The following NR4A1 variants were observed in gnomAD, a reference collection of about 807,000 sequenced individuals.
NR4A1 encodes the protein nuclear receptor subfamily 4immunitygroup A member 1.
In NR4A1, 24 loss-of-function variants were observed where a neutral mutation model predicts 47.5. The observed-to-expected ratio is 0.50, with a 90% confidence interval of 0.37 to 0.71. NR4A1 has a LOEUF of 0.71. Among genes scored for constraint, NR4A1 ranks in the 30% least tolerant of loss-of-function variants. The pLI is 0.00. For synonymous variants in NR4A1, 353 were observed against 345.7 expected (o/e 1.02, Z -0.24); for missense variants, 669 against 788.6 (o/e 0.85, Z 1.82).
intron 1 of NR4A1, among the ~76,000 whole-genome samples, chr12:52,036,451 T>G (rs1022465311): frequency 1.3e-5 from 2 of 152,184 alleles, no homozygotes; most frequent in African/African-American, 4.8e-5. Flanking sequence ...CCACAGCTGT[T>G]ATCATCCTGA....
intron 1 of NR4A1, among the ~76,000 whole-genome samples, chr12:52,028,693 C>T (rs572229715): frequency 3.6e-4 from 55 of 152,132 alleles, no homozygotes; most frequent in African/African-American, 1.3e-3. Context: ...ATTACGAGGT[C>T]AGGAGTTCAA....
rs751505484 is a variant in NR4A1 at position 52,058,862 on chromosome 12, G to A, written c.1715G>A (p.Arg572His). Residue 572 changes from arginine to histidine, a missense_variant, in exon 7 of 7, where the codon CGC becomes CAC. By Grantham distance (29) the Arg-to-His change is conservative (BLOSUM62 0). Coordinates refer to ENST00000394825, the MANE Select transcript of NR4A1 (RefSeq NM_173157.3). ...ACCCTGTGCACCCAGGGCCTGCAGC[G>A]CATCTTCTACCTCAAGCTGGAGGAC... is the stretch of plus-strand genomic sequence containing the variant. ...LRTLCTQGLQRIFYLKLEDLV... is the reference protein window; with the variant it reads ...LRTLCTQGLQHIFYLKLEDLV... 3.7e-6 allele frequency: 6 copies of A among 1,614,032 alleles called. No homozygotes were observed. The highest frequency in any genetic ancestry group is 2.2e-5 in the East Asian group (1 of 44,882).
Position 52,044,040 on chromosome 12 carries a change from G to A in NR4A1, c.37+2111G>A, listed in dbSNP as rs1669760634. On this transcript the variant is annotated intron_variant, in intron 2 of 7. Coordinates refer to the NR4A1 transcript ENST00000360284. ...GAAGCAAGGGTGGCCGACAACTGGA[G>A]GCATGAGTGTGCAGCTTGACCACAG... 4.5e-6 allele frequency: 3 copies of A among 665,664 alleles called. No individual in the cohort carries two copies. The South Asian group carries it at 5.0e-5, about 11-fold the overall frequency. 41.2% of individuals were successfully genotyped at this position (665,664 alleles called of 1,614,324 possible). A position where few individuals can be genotyped will look rare whatever the true frequency, so the allele number is the denominator to read the frequency against.
At chr12:52,038,829 T>TTC in intron 1 of NR4A1, 1 of 730,692 alleles carries the variant, frequency 1.4e-6, no homozygotes, top group South Asian at 1.4e-5. Flanking sequence ...CTGCTGGACT[T>TTC]AAGAAAGTCA....
In NR4A1 at chr12:52,054,943, C is replaced by G; in HGVS notation, c.615C>G (p.Ser205Arg). ...GCCCCAGCCCCAGCCTGGCCCAGAG[C>G]CCCCTGAAGTTGTTCCCCTCACAGG... Reference protein sequence around the residue: ...PTGPSPSLAQSPLKLFPSQAT... With the variant: ...PTGPSPSLAQRPLKLFPSQAT... The change falls in exon 2 of 7, where the codon AGC becomes AGG. Residue 205 changes from serine to arginine, a missense_variant. Coordinates refer to ENST00000394825, the MANE Select transcript of NR4A1 (RefSeq NM_173157.3). 6.2e-7 allele frequency: 1 copy of G among 1,614,170 alleles called. No individual in the cohort carries two copies. Among genetic ancestry groups the G allele is most frequent in the Non-Finnish European group, 8.5e-7 (1 of 1,180,030 alleles).
rs761680805 is a variant in NR4A1 at position 52,058,961 on chromosome 12, C to T, written c.*17C>T. On this transcript the variant is annotated 3_prime_UTR_variant, in exon 7 of 7. Coordinates refer to ENST00000394825, the MANE Select transcript of NR4A1 (RefSeq NM_173157.3). ...CCCTTCTGACCCCTGCCTGGGAACA[C>T]GTGTGCACATGCGCACTCTCATATG... 1.4e-5 allele frequency: 23 copies of T among 1,602,350 alleles called. 1 individual carries two copies. Among genetic ancestry groups the T allele is most frequent in the Admixed American group, 1.2e-4 (7 of 59,686 alleles).
At position 52,059,169 on chromosome 12, in the gene NR4A1, G is replaced by A. The variant is rs967301564; in HGVS notation, c.*225G>A. 54 of 583,084 alleles carry A rather than the reference G, an allele frequency of 9.3e-5. No homozygotes were observed. The highest frequency in any genetic ancestry group is 2.1e-4 in the Admixed American group (6 of 28,814). The allele number at this position is 583,084 out of a possible 1,614,324, so 36.1% of individuals were successfully genotyped here. ...GTCTTATCCCCCCCAGCCTGGCCCC[G>A]GCCTTTATGTTTTTTGTAAGATAAA... On this transcript the variant is annotated 3_prime_UTR_variant, in exon 7 of 7. Transcript: ENST00000394825.
chr12:52,054,960 C>T lies in NR4A1; in HGVS notation c.632C>T (p.Pro211Leu), dbSNP rs1466882780. The part of the protein sequence containing the change: ...SLAQSPLKLF[P>L]SQATHQLGEG... ...GCCCAGAGCCCCCTGAAGTTGTTCC[C>T]CTCACAGGCCACCCACCAGCTGGGG... The change falls in exon 2 of 7, where the codon CCC becomes CTC. Residue 211 changes from proline (P) to leucine (L), a missense_variant. Pro to Leu is a moderately conservative substitution (Grantham distance 98). Transcript: ENST00000394825. The T allele has an allele frequency of 3.1e-6, 5 of 1,614,214 alleles. No homozygotes were observed. In the Admixed American group the frequency reaches 6.7e-5, roughly 22 times the overall value.
At chr12:52,058,592 G>A (rs1015813749) in intron 6 of NR4A1, 96 bp from the exon 7 acceptor site, 14 of 1,417,392 alleles carry the variant, frequency 9.9e-6, no homozygotes, top group East Asian at 7.6e-5. Flanking sequence ...GAGCATGAGG[G>A]GTGGTCAGGG....
At chr12:52,046,712 G>A (rs1462216007), upstream of NR4A1, among the ~76,000 whole-genome samples, 1 of 152,148 alleles carries the variant, frequency 6.6e-6, no homozygotes, top group African/African-American at 2.4e-5. Context: ...GGCCGGGCAC[G>A]GTGACTCACG....
chr12:52,040,793 C>T (rs969418418), intron 1 of NR4A1, among the ~76,000 whole-genome samples: 5 of 152,164 alleles, frequency 3.3e-5, no homozygotes, highest in African/African-American at 1.2e-4. Context: ...TCCTCTTTGC[C>T]CCTCCTAGCT....
intron 1 of NR4A1, among the ~76,000 whole-genome samples, chr12:52,027,639 C>G (rs896355081): frequency 6.6e-6 from 1 of 152,212 alleles, no homozygotes; most frequent in African/African-American, 2.4e-5. Flanking sequence ...CTGAGAAACT[C>G]GGGGTGCACG....
rs756699870 is a variant in NR4A1, at chr12:52,054,532, C to T, written c.204C>T (p.Leu68=). 1.9e-6 allele frequency: 3 copies of T among 1,613,948 alleles called. No homozygotes were observed. Among genetic ancestry groups the T allele is most frequent in the Admixed American group, 3.3e-5 (2 of 60,006 alleles). The change falls in exon 2 of 7, where the codon CTC becomes CTT. Residue 68 remains leucine (L), a synonymous_variant. Coordinates refer to ENST00000394825, the MANE Select transcript of NR4A1 (RefSeq NM_173157.3). ...ACACAGGAGAGTTTGACACCTTCCT[C>T]TACCAGCTGCCAGGAACAGTCCAGC... ...DGYTGEFDTF[L]YQLPGTVQPC...
chr12:52,028,857 G>A (rs977428162), intron 1 of NR4A1, among the ~76,000 whole-genome samples: 5 of 150,488 alleles, frequency 3.3e-5, no homozygotes, highest in African/African-American at 1.2e-4. Context: ...GAGCCAAGAT[G>A]GTGCCACTGC....
intron 1 of NR4A1, among the ~76,000 whole-genome samples, chr12:52,039,237 G>T (rs2120959177): frequency 6.6e-6 from 1 of 152,316 alleles, no homozygotes; most frequent in South Asian, 2.1e-4. Context: ...AGCTGCTGTT[G>T]TTATTGCTAA....
At chr12:52,031,802 C>T (rs1183008418) in intron 1 of NR4A1, among the ~76,000 whole-genome samples, 3 of 113,538 alleles carry the variant, frequency 2.6e-5, no homozygotes, top group East Asian at 2.6e-4. Flanking sequence ...TTTTTTGAGA[C>T]GGAGTCTCGC....
At chr12:52,058,046 A>G (rs1159739459) in intron 6 of NR4A1, among the ~76,000 whole-genome samples, 3 of 151,944 alleles carry the variant, frequency 2.0e-5, no homozygotes, top group Non-Finnish European at 4.4e-5. Context: ...CTGGTCTCGA[A>G]CTCCTGGGCT....
chr12:52,037,614 C>T, intron 1 of NR4A1: 3 of 985,492 alleles, frequency 3.0e-6, no homozygotes, highest in Non-Finnish European at 3.6e-6. Context: ...CGAGTCAGCC[C>T]CCAAGGGCGA....
chr12:52,043,108 G>A (rs1350347078), intron 2 of NR4A1, among the ~76,000 whole-genome samples: 1 of 152,186 alleles, frequency 6.6e-6, no homozygotes, highest in Non-Finnish European at 1.5e-5. Flanking sequence ...CTGTTCTGGG[G>A]GCAGGGCTGG....
Sources: gnomAD v4.1 joint callset for allele counts (sites outside exome capture counted in the v4.1 genomes callset) on GRCh38, gnomAD v4.1.1 for gene constraint, MANE v1.5 for transcripts, NCBI Gene and HGNC (gene_info 2026-07-23, HGNC 2026-07-21) for gene names.